DOP1A: variants seen among roughly 807,000 people sequenced by gnomAD.
DOP1A encodes DOP1 leucine zipper like protein A.
In DOP1A, 90 loss-of-function variants were observed where a neutral mutation model predicts 267.6. The observed-to-expected ratio is 0.34, with a 90% CI of 0.28 to 0.40. DOP1A has a LOEUF of 0.40. Ranked by LOEUF, DOP1A falls within the 10% of genes least tolerant of loss-of-function variation. The pLI is 1.00. For missense variants in DOP1A, 2,437 were observed against 2,900.4 expected (o/e 0.84, Z 3.67); for synonymous variants, 932 against 999.1 (o/e 0.93, Z 1.27).
chr6:83,100,884 T>C lies in DOP1A; in HGVS notation c.318T>C (p.Tyr106=), dbSNP rs1317522742. The C allele has an allele frequency of 6.7e-7, 1 of 1,499,296 alleles. No individual in the cohort carries two copies. Among genetic ancestry groups the C allele is most frequent in the Non-Finnish European group, 8.9e-7 (1 of 1,119,536 alleles). The allele number at this position is 1,499,296 out of a possible 1,614,324, so 92.9% of individuals were successfully genotyped here. ...GACTTGCCAAAGATCTTTTTTTATA[T>C]AGGTAAGAATAATTTTACTATATAT... ...PKRLAKDLFL[Y]SSGLFPLLAN... The change falls in exon 4 of 39, where the codon TAT becomes TAC. Residue 106 remains tyrosine, a splice_region_variant and synonymous_variant. Coordinates refer to ENST00000349129, the MANE Select transcript of DOP1A (RefSeq NM_015018.4).
chr6:83,095,663 A>C (rs115664434), intron 1 of DOP1A, among the ~76,000 whole-genome samples: 1,770 of 152,254 alleles, frequency 0.012, 42 homozygotes, highest in African/African-American at 0.041. Context: ...TGACCCCTGA[A>C]CTCAGTGGCC....
Position 83,147,312 on chromosome 6 carries a change from C to T in DOP1A, c.5732+21C>T, listed in dbSNP as rs200157922. 2.3e-5 allele frequency: 30 copies of T among 1,305,918 alleles called. No individual in the cohort carries two copies. The African/African-American group carries it at 3.4e-4, about 15-fold the overall frequency. 80.9% of individuals were successfully genotyped at this position (1,305,918 alleles called of 1,614,324 possible). Reference sequence around the variant, plus strand: ...CAAAGGTAAGATTACTGATATTGATCTGTCCTTACTATGTTGCTAGAAACA... The same window carrying T: ...CAAAGGTAAGATTACTGATATTGATTTGTCCTTACTATGTTGCTAGAAACA... On this transcript the variant is annotated intron_variant, in intron 26 of 38. Coordinates refer to ENST00000349129, the MANE Select transcript of DOP1A (RefSeq NM_015018.4).
At chr6:83,131,722 G>A (rs1018212789) in intron 17 of DOP1A, among the ~76,000 whole-genome samples, 23 of 151,786 alleles carry the variant, frequency 1.5e-4, no homozygotes, top group African/African-American at 5.6e-4. Flanking sequence ...TACAACTTGC[G>A]CTTTTCGGGT....
Position 83,101,308 on chromosome 6 carries a change from G to A in DOP1A, c.320+422G>A, listed in dbSNP as rs533340731. On this transcript the variant is annotated intron_variant, in intron 4 of 38. Transcript: ENST00000349129. ...TGGGATTACAGGCATAAGCCACCGC[G>A]CCTGGCCTCAGATATCAATCTTAAA... 1.6e-4 allele frequency among the ~76,000 whole-genome samples: 24 copies of A among 152,278 alleles called. No homozygotes were observed. In the East Asian group the frequency reaches 4.6e-3, roughly 29 times the overall value.
rs1431137882 is a variant in DOP1A at position 83,159,836 on chromosome 6, A to G, written c.6838A>G (p.Thr2280Ala). The change falls in exon 37 of 39, where the codon ACA becomes GCA. Residue 2280 changes from threonine to alanine, a missense_variant. By Grantham distance (58) the Thr-to-Ala change is moderately conservative. This residue lies in a region of DOP1A where 197 missense variants were observed against 246.5 expected (regional missense o/e 0.80). Coordinates refer to ENST00000349129, the MANE Select transcript of DOP1A (RefSeq NM_015018.4). ...TGTGGCTGGTCTGGAGACAACGTAC[A>G]CAGGAGGTAATGGCTTCTCTACTTC... ...PSVAGLETTYTGGNGFSTSYN... is the reference protein window; with the variant it reads ...PSVAGLETTYAGGNGFSTSYN... 2.5e-6 allele frequency: 4 copies of G among 1,614,050 alleles called. No individual in the cohort carries two copies. The highest frequency in any genetic ancestry group is 2.2e-5 in the East Asian group (1 of 44,876).
chr6:83,166,090 AATGATTC>A, intron 38 of DOP1A: 1 of 361,918 alleles, frequency 2.8e-6, no homozygotes, highest in Non-Finnish European at 5.0e-6. Flanking sequence ...CCGATAGAGA[AATGATTC>A]ATTATTGTTG....
intron 15 of DOP1A, among the ~76,000 whole-genome samples, chr6:83,126,805 G>A (rs1206251111): frequency 6.6e-6 from 1 of 152,088 alleles, no homozygotes; most frequent in Non-Finnish European, 1.5e-5. Context: ...CAGAGGAATT[G>A]CAATGGAGAA....
At position 83,133,098 on chromosome 6, in the gene DOP1A, G is replaced by A. The variant is rs6939934; in HGVS notation, c.2769+770G>A. Among the ~76,000 whole-genome samples the A allele has an allele frequency of 3.8e-3, 583 of 152,126 alleles. 3 individuals carry two copies. The highest frequency in any genetic ancestry group is 0.014 in the African/African-American group (563 of 41,508). ...GTAGAGGAGAAAGTAGTATATGAAG[G>A]AGTAAATGAAAGGAATGAAAAGTTT... On this transcript the variant is annotated intron_variant, in intron 18 of 38. Coordinates refer to ENST00000349129, the MANE Select transcript of DOP1A (RefSeq NM_015018.4).
chr6:83,169,984 A>G (rs1394540108), downstream of DOP1A: 5 of 394,440 alleles, frequency 1.3e-5, no homozygotes, highest in African/African-American at 2.1e-5. Context: ...TATATTTTTA[A>G]AAGAAGAGAA....
chr6:83,161,171 C>T (rs1322488614), intron 37 of DOP1A: 1 of 152,094 alleles, frequency 6.6e-6, no homozygotes, highest in African/African-American at 2.4e-5. Context: ...ATAGTATGCT[C>T]ATGATACTGA....
chr6:83,149,093 T>TA (rs142527763), intron 27 of DOP1A, among the ~76,000 whole-genome samples: 4,923 of 152,104 alleles, frequency 0.032, 201 homozygotes, highest in African/African-American at 0.091. Context: ...GTAACTACAC[T>TA]AACATAAAAC....
intron 36 of DOP1A, 189 bp from the exon 37 acceptor site, chr6:83,159,607 A>T: frequency 1.5e-6 from 1 of 673,086 alleles, no homozygotes; most frequent in Non-Finnish European, 2.5e-6. Context: ...CTGTTTTTGC[A>T]TTCTCAAAGA....
At position 83,083,378 on chromosome 6, in the gene DOP1A, A is replaced by C. The variant is rs921110261; in HGVS notation, c.-146-13353A>C. ...TTTTGAAAAAAGTTAATGAGAGAGG[A>C]GAGGTAGAATATGTCATGCAGGAGA... On this transcript the variant is annotated intron_variant, in intron 1 of 38. Coordinates refer to ENST00000349129, the MANE Select transcript of DOP1A (RefSeq NM_015018.4). Among the ~76,000 whole-genome samples, 10 of 150,904 alleles carry C rather than the reference A, an allele frequency of 6.6e-5. No individual in the cohort carries two copies. In the East Asian group the frequency reaches 1.9e-3, roughly 29 times the overall value.
chr6:83,093,137 C>T (rs982582614), intron 1 of DOP1A, among the ~76,000 whole-genome samples: 59 of 152,202 alleles, frequency 3.9e-4, no homozygotes, highest in Non-Finnish European at 7.6e-4. Context: ...TTGTTCTCTA[C>T]TCTCACTGTC....
At chr6:83,169,389 A>G, downstream of DOP1A, 20 of 1,583,002 alleles carry the variant, frequency 1.3e-5, no homozygotes, top group Non-Finnish European at 1.6e-5. Context: ...GGGCAAGACC[A>G]TGTTACTTGG....
At chr6:83,144,568 A>T (rs1780172415) in intron 24 of DOP1A, among the ~76,000 whole-genome samples, 1 of 152,186 alleles carries the variant, frequency 6.6e-6, no homozygotes, top group African/African-American at 2.4e-5. Context: ...GCACATTGCA[A>T]CCAAAAATAA....
At position 83,129,258 on chromosome 6, in the gene DOP1A, C is replaced by A. The variant is rs754112843; in HGVS notation, c.2091C>A (p.Asn697Lys). ...TCAACCTCTACATCATTCAGAATAACTCTTTTTCTCAGTCTTTGGCTACAG... is the reference window on the plus strand; with the variant it reads ...TCAACCTCTACATCATTCAGAATAAATCTTTTTCTCAGTCTTTGGCTACAG... ...RLINLYIIQN[N>K]SFSQSLATEH... Residue 697 changes from asparagine to lysine, a missense_variant, in exon 16 of 39, where the codon AAC (asparagine) becomes AAA (lysine). Transcript: ENST00000349129. The A allele has an allele frequency of 6.2e-7, 1 of 1,612,932 alleles. No individual in the cohort carries two copies.
intron 15 of DOP1A, among the ~76,000 whole-genome samples, chr6:83,128,619 AAT>A (rs1180765301): frequency 6.6e-6 from 1 of 152,168 alleles, no homozygotes; most frequent in Non-Finnish European, 1.5e-5. Context: ...AAGTAGATGA[AAT>A]AGTCATTTGA....
chr6:83,125,728 A>C lies in DOP1A; in HGVS notation c.1714A>C (p.Lys572Gln). ...CAATTCAGTCAAAGAGTGGGAAGAC[A>C]AAAAGGTAATTTTAACTATTATTTT... ...QNNSVKEWED[K>Q]KVSSVSHENP... is the part of the protein sequence containing the mutation. Residue 572 changes from lysine (K) to glutamine (Q), a missense_variant, in exon 15 of 39, where the codon AAA becomes CAA. Physicochemically the swap from Lys to Gln is moderately conservative, Grantham distance 53 (BLOSUM62 1). Transcript: ENST00000349129. 1 of 1,606,958 alleles carries C rather than the reference A, an allele frequency of 6.2e-7. No homozygotes were observed.
Sources: allele counts gnomAD v4.1 joint callset (sites outside exome capture counted in the v4.1 genomes callset), GRCh38; gene constraint gnomAD v4.1.1; regional missense constraint gnomAD v4.1.1; transcripts MANE v1.5; gene names NCBI Gene and HGNC (gene_info 2026-07-23, HGNC 2026-07-21).